GRID2: variants seen among roughly 807,000 people sequenced by gnomAD.
The protein encoded by GRID2 is glutamate ionotropic receptor delta type subunit 2.
A neutral mutation model predicts 114.8 loss-of-function variants in GRID2; 33 were observed. That is an observed-to-expected ratio of 0.29 (90% CI 0.22 to 0.38). The LOEUF (loss-of-function observed/expected upper bound fraction) is 0.38, where lower values mean the gene tolerates loss of function less well. Ranked by LOEUF, GRID2 falls within the 10% of genes least tolerant of loss-of-function variation. The pLI is 1.00. For synonymous variants in GRID2, 505 were observed against 449.9 expected (o/e 1.12, Z -1.55); for missense variants, 1,184 against 1,257.7 (o/e 0.94, Z 0.89).
chr4:92,765,069 T>C (rs1738195807), intron 2 of GRID2, among the ~76,000 whole-genome samples: 1 of 152,202 alleles, frequency 6.6e-6, no homozygotes, highest in African/African-American at 2.4e-5. Context: ...CATGATATTA[T>C]TTTTCAGGCC....
At chr4:93,115,741 G>C (rs531605749) in intron 4 of GRID2, among the ~76,000 whole-genome samples, 6 of 152,062 alleles carry the variant, frequency 3.9e-5, no homozygotes, top group Non-Finnish European at 5.9e-5. Flanking sequence ...GAGAGAATGA[G>C]AGCCAATCCA....
chr4:93,632,409 G>A (rs577972330), intron 14 of GRID2, among the ~76,000 whole-genome samples: 16 of 152,246 alleles, frequency 1.1e-4, no homozygotes, highest in Non-Finnish European at 1.8e-4. Context: ...TGTAAGGAAG[G>A]GATCCAGTTT....
chr4:92,787,910 T>C (rs1739398062), intron 2 of GRID2, among the ~76,000 whole-genome samples: 1 of 151,748 alleles, frequency 6.6e-6, no homozygotes, highest in African/African-American at 2.4e-5. Context: ...ATATGCAGTG[T>C]GTTAGAGAGA....
intron 8 of GRID2, among the ~76,000 whole-genome samples, chr4:93,346,432 C>G (rs1760245219): frequency 6.6e-6 from 1 of 152,172 alleles, no homozygotes; most frequent in Non-Finnish European, 1.5e-5. Context: ...TTCCTCCTTT[C>G]TCTCTCACAA....
intron 2 of GRID2, among the ~76,000 whole-genome samples, chr4:92,902,325 C>A (rs933085953): frequency 1.3e-5 from 2 of 151,776 alleles, no homozygotes; most frequent in Non-Finnish European, 1.5e-5. Context: ...CTATTTGAAT[C>A]TTCTCTCATT....
chr4:93,614,873 T>C lies in GRID2; in HGVS notation c.2194-11396T>C, dbSNP rs1741434166. On this transcript the variant is annotated intron_variant, in intron 13 of 15. Coordinates refer to ENST00000282020, the MANE Select transcript of GRID2 (RefSeq NM_001510.4). ...TAACTGTATTAAATAACAACAGCAA[T>C]AACATGTTCTTTTCTGTCCCCAAAT... Among the ~76,000 whole-genome samples, 3 of 152,196 alleles carry C rather than the reference T, an allele frequency of 2.0e-5. 1 individual carries two copies. In the South Asian group the frequency reaches 6.2e-4, roughly 31 times the overall value.
chr4:93,438,292 C>T (rs1416531063), intron 10 of GRID2, among the ~76,000 whole-genome samples: 2 of 152,010 alleles, frequency 1.3e-5, no homozygotes, highest in African/African-American at 4.8e-5. Context: ...GCCATGGCAA[C>T]CCAGGGGCCG....
At chr4:92,457,609 A>G (rs1721281533) in intron 1 of GRID2, among the ~76,000 whole-genome samples, 1 of 152,180 alleles carries the variant, frequency 6.6e-6, no homozygotes, top group Non-Finnish European at 1.5e-5. Context: ...ATTATAATTT[A>G]TTTAAAGTTG....
At chr4:93,678,090 A>T (rs1181831149) in intron 14 of GRID2, among the ~76,000 whole-genome samples, 1 of 152,226 alleles carries the variant, frequency 6.6e-6, no homozygotes, top group Admixed American at 6.5e-5. Context: ...AAAGGAGCTG[A>T]TGGAGCCGAA....
intron 14 of GRID2, among the ~76,000 whole-genome samples, chr4:93,676,396 A>T (rs1194774149): frequency 6.6e-6 from 1 of 152,244 alleles, no homozygotes; most frequent in African/African-American, 2.4e-5. Flanking sequence ...AGAAGAAGAT[A>T]GAGTAGCATA....
At chr4:92,386,965 T>C (rs1729991402) in intron 1 of GRID2, among the ~76,000 whole-genome samples, 1 of 151,930 alleles carries the variant, frequency 6.6e-6, no homozygotes, top group South Asian at 2.1e-4. Flanking sequence ...GTATAATACA[T>C]ATCTGTGTTT....
chr4:92,694,348 A>G (rs999126674), intron 2 of GRID2, among the ~76,000 whole-genome samples: 1 of 152,144 alleles, frequency 6.6e-6, no homozygotes, highest in Non-Finnish European at 1.5e-5. Context: ...CCAAGCTCCA[A>G]AAGGAAGATG....
chr4:92,608,035 C>T (rs1036671357), intron 2 of GRID2, among the ~76,000 whole-genome samples: 1 of 151,758 alleles, frequency 6.6e-6, no homozygotes, highest in Non-Finnish European at 1.5e-5. Context: ...GCTCTGCTTT[C>T]CTTTCTGAAA....
At chr4:92,763,521 T>A (rs746997032) in intron 2 of GRID2, among the ~76,000 whole-genome samples, 10 of 152,144 alleles carry the variant, frequency 6.6e-5, no homozygotes, top group Non-Finnish European at 1.2e-4. Flanking sequence ...TACACAACAT[T>A]AGGTATTGCA....
At chr4:92,854,865 A>G (rs1421576429) in intron 2 of GRID2, among the ~76,000 whole-genome samples, 2 of 152,050 alleles carry the variant, frequency 1.3e-5, no homozygotes, top group Non-Finnish European at 2.9e-5. Flanking sequence ...ATTTTTGCCA[A>G]TCTCTTTGCC....
chr4:93,314,080 G>A (rs1308016006), intron 8 of GRID2, among the ~76,000 whole-genome samples: 1 of 152,028 alleles, frequency 6.6e-6, no homozygotes, highest in Non-Finnish European at 1.5e-5. Flanking sequence ...CAAGGCGGGC[G>A]GATCACCTGA....
At chr4:92,822,808 T>C (rs1052252631) in intron 2 of GRID2, 13 of 156,698 alleles carry the variant, frequency 8.3e-5, no homozygotes, top group Admixed American at 2.6e-4. Context: ...GTCCACATGA[T>C]GATGATTTTG....
chr4:92,312,048 G>A (rs1350481281), intron 1 of GRID2, among the ~76,000 whole-genome samples: 2 of 151,996 alleles, frequency 1.3e-5, no homozygotes, highest in South Asian at 4.1e-4. Flanking sequence ...TGAACCATGT[G>A]GATATCTGAT....
intron 2 of GRID2, among the ~76,000 whole-genome samples, chr4:93,077,612 C>T (rs2149313340): frequency 6.6e-6 from 1 of 152,152 alleles, no homozygotes; most frequent in South Asian, 2.1e-4. Flanking sequence ...TATGTTTAAT[C>T]CTCACTCTTT....
Sources: gnomAD v4.1 joint callset for allele counts (sites outside exome capture counted in the v4.1 genomes callset) on GRCh38, gnomAD v4.1.1 for gene constraint, MANE v1.5 for transcripts, NCBI Gene and HGNC (gene_info 2026-07-23, HGNC 2026-07-21) for gene names.